Variants in SEPHS1 observed in about 807,000 individuals in gnomAD.
The protein encoded by SEPHS1 is selenophosphate synthetase 1, also known as zincore component SEPHS1.
SEPHS1 carries 7 observed loss-of-function variants against 39.2 expected under a neutral mutation model. The ratio of observed to expected loss-of-function variants is 0.18; its 90% CI spans 0.10 to 0.34. The LOEUF is 0.34. Among genes scored for constraint, SEPHS1 ranks in the 10% least tolerant of loss-of-function variants. The pLI, the probability that SEPHS1 is intolerant of heterozygous loss-of-function variation, is 1.00. For missense variants in SEPHS1, 253 were observed against 514.5 expected, an observed-to-expected ratio of 0.49 and a Z score of 4.92; for synonymous variants, 190 against 195.5, an observed-to-expected ratio of 0.97 and a Z score of 0.23.
Position 13,330,293 on chromosome 10 carries a change from C to T in SEPHS1, c.561-505G>A, listed in dbSNP as rs184519508. Among the ~76,000 whole-genome samples the T allele has an allele frequency of 5.0e-4, 76 of 152,060 alleles. 1 individual carries two copies. The highest frequency in any genetic ancestry group is 3.5e-3 in the Admixed American group (53 of 15,270). On this transcript the variant is annotated intron_variant, in intron 5 of 8. Coordinates refer to ENST00000327347, the MANE Select transcript of SEPHS1 (RefSeq NM_012247.5). ...TCACTGATATGCTAGAGACTCAGGA[C>T]GGATTTTTCGGCCCAGGGGTTTGGT...
At chr10:13,328,294 T>A in intron 7 of SEPHS1, 57 bp downstream of exon 7, 1 of 1,219,718 alleles carries the variant, frequency 8.2e-7, no homozygotes, top group East Asian at 2.3e-5. Context: ...CAGAAAAGCC[T>A]AAGACATTTA....
intron 1 of SEPHS1, among the ~76,000 whole-genome samples, chr10:13,346,305 C>T (rs765653565): frequency 6.6e-6 from 1 of 152,144 alleles, no homozygotes; most frequent in East Asian, 1.9e-4. Context: ...TTACAAACAC[C>T]CCAAGTTTTA....
chr10:13,337,758 G>A (rs1393670820), intron 3 of SEPHS1, among the ~76,000 whole-genome samples: 1 of 152,206 alleles, frequency 6.6e-6, no homozygotes, highest in African/African-American at 2.4e-5. Flanking sequence ...ACCTGGTCAT[G>A]TGGGACCTGG....
At chr10:13,345,742 TG>T (rs916884334) in intron 1 of SEPHS1, among the ~76,000 whole-genome samples, 1 of 152,172 alleles carries the variant, frequency 6.6e-6, no homozygotes, top group African/African-American at 2.4e-5. Flanking sequence ...CTGGGCGTGG[TG>T]GTGCGCACCT....
rs146147539 is a variant in SEPHS1, at chr10:13,321,964, G to T, written c.964+871C>A. 3,397 of 423,280 alleles carry T rather than the reference G, an allele frequency of 8.0e-3. 12 individuals carry two copies. Among genetic ancestry groups the T allele is most frequent in the Admixed American group, 0.013 (423 of 33,236 alleles). 26.2% of individuals were successfully genotyped at this position (423,280 alleles called of 1,614,324 possible). On this transcript the variant is annotated intron_variant, in intron 8 of 8. Transcript: ENST00000327347. Reference sequence around the variant, plus strand: ...TAGGAGTCAAACTACTGGGGCGTATGGTGTCAGACCTGCACTGCTGTCTGA... The same window carrying T: ...TAGGAGTCAAACTACTGGGGCGTATTGTGTCAGACCTGCACTGCTGTCTGA...
At chr10:13,341,764 C>T (rs553186635) in intron 2 of SEPHS1, among the ~76,000 whole-genome samples, 1 of 149,330 alleles carries the variant, frequency 6.7e-6, no homozygotes, top group African/African-American at 2.5e-5. Context: ...CCAGACCAGC[C>T]TGACCAACAT....
Position 13,344,932 on chromosome 10 carries a change from A to G in SEPHS1, c.19T>C (p.Phe7Leu). 3 of 1,585,254 alleles carry G rather than the reference A, an allele frequency of 1.9e-6. No individual in the cohort carries two copies. Among genetic ancestry groups the G allele is most frequent in the Non-Finnish European group, 8.6e-7 (1 of 1,164,464 alleles). Residue 7 changes from phenylalanine (F) to leucine (L), a missense_variant, in exon 2 of 9, where the codon TTT (phenylalanine) becomes CTT (leucine). Coordinates refer to ENST00000327347, the MANE Select transcript of SEPHS1 (RefSeq NM_012247.5). MSTRES[F>L]NPESYELDKS... ...TCCAATTCGTAACTTTCCGGGTTAA[A>G]GGACTCCCGCGTAGACATGGTTCTT...
At chr10:13,327,992 G>A (rs979622878) in intron 7 of SEPHS1, among the ~76,000 whole-genome samples, 1 of 152,044 alleles carries the variant, frequency 6.6e-6, no homozygotes, top group Non-Finnish European at 1.5e-5. Flanking sequence ...GGGAGTGGGG[G>A]CACTTCTAGA....
chr10:13,345,840 G>A (rs1460311606), intron 1 of SEPHS1, among the ~76,000 whole-genome samples: 2 of 152,222 alleles, frequency 1.3e-5, no homozygotes, highest in Admixed American at 1.3e-4. Context: ...TCGAGCCACT[G>A]CACTCCAGCC....
chr10:13,328,302 T>C, intron 7 of SEPHS1, 49 bp downstream of exon 7: 1 of 1,298,818 alleles, frequency 7.7e-7, no homozygotes, highest in Non-Finnish European at 1.1e-6. Flanking sequence ...CCTAAGACAT[T>C]TACTGTCTTG....
At chr10:13,338,833 T>C in intron 2 of SEPHS1, 25 bp from the exon 3 acceptor site, 1 of 1,547,558 alleles carries the variant, frequency 6.5e-7, no homozygotes, top group Non-Finnish European at 8.9e-7. Flanking sequence ...GTCATTAGCA[T>C]CCAAAAATAA....
intron 5 of SEPHS1, among the ~76,000 whole-genome samples, chr10:13,331,994 T>C (rs993527179): frequency 1.3e-5 from 2 of 152,216 alleles, no homozygotes; most frequent in African/African-American, 2.4e-5. Context: ...TGATGATTCC[T>C]CAAGTTAAAC....
intron 5 of SEPHS1, among the ~76,000 whole-genome samples, chr10:13,331,766 C>A (rs1170900487): frequency 6.6e-6 from 1 of 152,224 alleles, no homozygotes; most frequent in Non-Finnish European, 1.5e-5. Context: ...AGAAGATACA[C>A]AAATGGGTAG....
intron 1 of SEPHS1, among the ~76,000 whole-genome samples, chr10:13,346,366 TAG>T (rs1313307101): frequency 1.3e-5 from 2 of 152,192 alleles, no homozygotes; most frequent in East Asian, 1.9e-4. Flanking sequence ...TTCCCATTTA[TAG>T]AGTTTTCCAT....
chr10:13,339,799 T>G (rs1833736581), intron 2 of SEPHS1, among the ~76,000 whole-genome samples: 1 of 152,188 alleles, frequency 6.6e-6, no homozygotes, highest in African/African-American at 2.4e-5. Flanking sequence ...TGTAAATATT[T>G]GTTATGCTGT....
intron 6 of SEPHS1, 136 bp downstream of exon 6, chr10:13,329,562 G>C (rs940065264): frequency 1.6e-6 from 1 of 617,434 alleles, no homozygotes; most frequent in Non-Finnish European, 2.9e-6. Context: ...ACAATTCCTA[G>C]GATTTCTTTA....
chr10:13,347,596 A>C (rs1017350699), intron 1 of SEPHS1, among the ~76,000 whole-genome samples: 4 of 146,878 alleles, frequency 2.7e-5, no homozygotes, highest in African/African-American at 7.3e-5. Context: ...CGCGCGGAGA[A>C]AAGGGGAGGC....
At chr10:13,342,736 A>T (rs377701827) in intron 2 of SEPHS1, among the ~76,000 whole-genome samples, 11 of 152,062 alleles carry the variant, frequency 7.2e-5, no homozygotes, top group African/African-American at 2.7e-4. Flanking sequence ...GCAAAACAGT[A>T]ATCTTTTTTT....
intron 8 of SEPHS1, 38 bp downstream of exon 8, chr10:13,322,797 T>A (rs369885078): frequency 1.9e-5 from 30 of 1,586,234 alleles, no homozygotes; most frequent in Non-Finnish European, 2.6e-5. Flanking sequence ...TCTGTTAGCC[T>A]CACTATTTAG....
Sources: allele counts gnomAD v4.1 joint callset (sites outside exome capture counted in the v4.1 genomes callset), GRCh38; gene constraint gnomAD v4.1.1; transcripts MANE v1.5; gene names NCBI Gene and HGNC (gene_info 2026-07-23, HGNC 2026-07-21).